Variants in PKNOX2 observed in about 807,000 individuals in gnomAD.
PKNOX2 encodes the protein PBX/knotted 1 homeobox 2.
Under a neutral mutation model 53.1 loss-of-function variants are expected in PKNOX2, and 14 were observed. The ratio of observed to expected loss-of-function variants is 0.26; its 90% CI spans 0.17 to 0.41. PKNOX2 has a LOEUF of 0.41. Among genes scored for constraint, PKNOX2 ranks in the 10% least tolerant of loss-of-function variants. The probability of loss-of-function intolerance (pLI) is 1.00; values close to 1 mark genes in which losing one functional copy is unlikely to be tolerated. For synonymous variants in PKNOX2, 257 were observed against 242.8 expected, an observed-to-expected ratio of 1.06 and a Z score of -0.54; for missense variants, 496 against 602.8, an observed-to-expected ratio of 0.82 and a Z score of 1.85.
chr11:125,168,974 A>G (rs1955086038), intron 1 of PKNOX2, among the ~76,000 whole-genome samples: 1 of 152,134 alleles, frequency 6.6e-6, no homozygotes. Context: ...TTTGTTCCCG[A>G]TTTATTTAAT....
chr11:125,292,876 G>A (rs1262640602), intron 2 of PKNOX2, among the ~76,000 whole-genome samples: 1 of 152,204 alleles, frequency 6.6e-6, no homozygotes, highest in Admixed American at 6.5e-5. Flanking sequence ...TGCATGTACG[G>A]TATGGAAGTG....
chr11:125,339,242 G>A (rs546953610), intron 3 of PKNOX2, among the ~76,000 whole-genome samples: 2 of 152,320 alleles, frequency 1.3e-5, no homozygotes, highest in Admixed American at 1.3e-4. Context: ...TAATAACCCT[G>A]CTGCTGGCTC....
chr11:125,318,722 T>C lies in PKNOX2; in HGVS notation c.-129-13097T>C, dbSNP rs577181647. 5.9e-5 allele frequency among the ~76,000 whole-genome samples: 9 copies of C among 152,348 alleles called. No individual in the cohort carries two copies. The East Asian group carries it at 7.7e-4, about 13-fold the overall frequency. On this transcript the variant is annotated intron_variant, in intron 2 of 12. Coordinates refer to ENST00000298282, the MANE Select transcript of PKNOX2 (RefSeq NM_001382323.2). Reference sequence around the variant, plus strand: ...ATCTCAATGATATGGTTCGGCTCTTTGTCCCTACCCAAATCTCATTTCAAA... The same window carrying C: ...ATCTCAATGATATGGTTCGGCTCTTCGTCCCTACCCAAATCTCATTTCAAA...
chr11:125,264,722 TC>T (rs1258041989), intron 2 of PKNOX2, among the ~76,000 whole-genome samples: 1 of 150,626 alleles, frequency 6.6e-6, no homozygotes, highest in African/African-American at 2.5e-5. Flanking sequence ...AGATGTCCTT[TC>T]TTCCACACAT....
In PKNOX2 at chr11:125,308,820, C is replaced by T. The variant is rs113059840; in HGVS notation, c.-129-22999C>T. On this transcript the variant is annotated intron_variant, in intron 2 of 12. Coordinates refer to ENST00000298282, the MANE Select transcript of PKNOX2 (RefSeq NM_001382323.2). ...CCTCACATAAAGGGGAAATTGGTCT[C>T]TCTGTCCCTTCCACCCTCTGTCCTA... 4.1e-4 allele frequency among the ~76,000 whole-genome samples: 63 copies of T among 152,336 alleles called. 1 individual carries two copies. Among genetic ancestry groups the T allele is most frequent in the African/African-American group, 1.4e-3 (59 of 41,570 alleles).
At chr11:125,346,584 A>G (rs539957022) in intron 3 of PKNOX2, among the ~76,000 whole-genome samples, 39 of 152,282 alleles carry the variant, frequency 2.6e-4, no homozygotes, top group African/African-American at 9.4e-4. Context: ...CCAATCCCAA[A>G]GTTTACAGAT....
chr11:125,401,037 G>A (rs1954714765), intron 7 of PKNOX2, among the ~76,000 whole-genome samples: 1 of 150,676 alleles, frequency 6.6e-6, no homozygotes, highest in Non-Finnish European at 1.5e-5. Context: ...TGGCCGGGAA[G>A]TATTTATTGA....
At chr11:125,302,875 A>G (rs1051676543) in intron 2 of PKNOX2, among the ~76,000 whole-genome samples, 1 of 152,196 alleles carries the variant, frequency 6.6e-6, no homozygotes, top group African/African-American at 2.4e-5. Flanking sequence ...GAATCCTTGG[A>G]GGCGGCAGAA....
At chr11:125,317,732 A>G (rs1949288337) in intron 2 of PKNOX2, among the ~76,000 whole-genome samples, 3 of 152,002 alleles carry the variant, frequency 2.0e-5, no homozygotes, top group Admixed American at 2.0e-4. Flanking sequence ...CAGATTTAGC[A>G]TCATTCTTAA....
At chr11:125,204,106 G>A (rs577156545) in intron 1 of PKNOX2, among the ~76,000 whole-genome samples, 4 of 152,304 alleles carry the variant, frequency 2.6e-5, no homozygotes, top group African/African-American at 9.6e-5. Context: ...AGAGCTGTTT[G>A]AATGCCAGAG....
chr11:125,270,312 C>T (rs1030100548), intron 2 of PKNOX2, among the ~76,000 whole-genome samples: 4 of 152,190 alleles, frequency 2.6e-5, no homozygotes, highest in Non-Finnish European at 5.9e-5. Flanking sequence ...GGTCTTCCCT[C>T]TGCAGGTGGG....
At chr11:125,361,009 C>T (rs549163906) in intron 4 of PKNOX2, among the ~76,000 whole-genome samples, 1 of 152,178 alleles carries the variant, frequency 6.6e-6, no homozygotes, top group East Asian at 1.9e-4. Flanking sequence ...ACACCCAAAT[C>T]CCCCCAGTCA....
intron 1 of PKNOX2, among the ~76,000 whole-genome samples, chr11:125,217,187 G>T (rs1045180010): frequency 1.3e-4 from 20 of 152,056 alleles, no homozygotes; most frequent in Non-Finnish European, 4.4e-5. Context: ...TATGAGAGAA[G>T]CCTTTTCTAG....
chr11:125,195,940 C>T, intron 1 of PKNOX2, among the ~76,000 whole-genome samples: 1 of 147,702 alleles, frequency 6.8e-6, no homozygotes, highest in African/African-American at 2.5e-5. Flanking sequence ...TGACAATATC[C>T]CAGACACAGA....
intron 1 of PKNOX2, among the ~76,000 whole-genome samples, chr11:125,203,323 G>C (rs532594407): frequency 6.6e-5 from 10 of 152,194 alleles, no homozygotes; most frequent in African/African-American, 9.7e-5. Context: ...GGCCAGGCTG[G>C]TCTTGAACTC....
intron 2 of PKNOX2, among the ~76,000 whole-genome samples, chr11:125,282,113 G>A (rs1946598825): frequency 1.3e-5 from 2 of 152,340 alleles, no homozygotes; most frequent in South Asian, 4.1e-4. Context: ...CAGCTTGTCA[G>A]ATAAGATCTC....
chr11:125,365,392 T>C (rs1952137351), intron 4 of PKNOX2, among the ~76,000 whole-genome samples: 1 of 152,172 alleles, frequency 6.6e-6, no homozygotes, highest in Non-Finnish European at 1.5e-5. Context: ...ACTTTTGATA[T>C]ATTGAGCCAG....
chr11:125,367,004 CA>C (rs766192531), intron 4 of PKNOX2, among the ~76,000 whole-genome samples: 10 of 152,270 alleles, frequency 6.6e-5, no homozygotes, highest in Admixed American at 1.3e-4. Context: ...GTGCTATGGA[CA>C]GGGTGATGTA....
chr11:125,280,102 CT>C (rs35541174), intron 2 of PKNOX2, among the ~76,000 whole-genome samples: 20,026 of 133,100 alleles, frequency 0.15, 2,756 homozygotes, highest in African/African-American at 0.37. Flanking sequence ...ATTTTTTTTC[CT>C]TTTTTTTTTT....
Sources: gnomAD v4.1 joint callset for allele counts (sites outside exome capture counted in the v4.1 genomes callset) on GRCh38, gnomAD v4.1.1 for gene constraint, MANE v1.5 for transcripts, NCBI Gene and HGNC (gene_info 2026-07-23, HGNC 2026-07-21) for gene names.